Variants in HS3ST4 observed in about 807,000 individuals in gnomAD.
HS3ST4 encodes the protein heparan sulfate glucosamine 3-O-sulfotransferase 4.
In HS3ST4, 17 loss-of-function variants were observed where a neutral mutation model predicts 29.2. That is an observed-to-expected ratio of 0.58 (90% CI 0.40 to 0.87). The LOEUF is 0.87. Ranked by LOEUF, HS3ST4 falls within the 40% of genes least tolerant of loss-of-function variation. The pLI is 0.00. For synonymous variants in HS3ST4, 314 were observed against 285.7 expected, an observed-to-expected ratio of 1.10 and a Z score of -1.00; for missense variants, 627 against 634.5, an observed-to-expected ratio of 0.99 and a Z score of 0.13.
intron 1 of HS3ST4, among the ~76,000 whole-genome samples, chr16:25,867,921 G>T (rs1191262527): frequency 6.6e-6 from 1 of 152,158 alleles, no homozygotes; most frequent in African/African-American, 2.4e-5. Flanking sequence ...GAGATCGATA[G>T]ATACTAGGTA....
intron 1 of HS3ST4, among the ~76,000 whole-genome samples, chr16:25,743,012 C>G (rs550260623): frequency 6.6e-6 from 1 of 152,338 alleles, no homozygotes; most frequent in African/African-American, 2.4e-5. Context: ...CATTGAACTT[C>G]CGCAAAGCCC....
chr16:26,120,091 GTA>G (rs34788561), intron 1 of HS3ST4, among the ~76,000 whole-genome samples: 44,420 of 150,588 alleles, frequency 0.29, 6,643 homozygotes, highest in East Asian at 0.35. Flanking sequence ...GTGTGTGTGT[GTA>G]TATGTGTGTG....
At chr16:25,964,675 C>T (rs185914277) in intron 1 of HS3ST4, among the ~76,000 whole-genome samples, 31 of 152,250 alleles carry the variant, frequency 2.0e-4, no homozygotes, top group Non-Finnish European at 3.2e-4. Flanking sequence ...TGAATCCTGC[C>T]GCTCAGTTAA....
At chr16:25,828,250 T>A (rs12918377) in intron 1 of HS3ST4, among the ~76,000 whole-genome samples, 2,091 of 54,986 alleles carry the variant, frequency 0.038, 67 homozygotes, top group Non-Finnish European at 0.054. Flanking sequence ...TTCTCTTTCT[T>A]TCTTTCTTTC....
intron 1 of HS3ST4, among the ~76,000 whole-genome samples, chr16:26,041,843 A>ATG (rs1969638865): frequency 6.6e-6 from 1 of 152,196 alleles, no homozygotes; most frequent in Non-Finnish European, 1.5e-5. Context: ...CAGTCAAACC[A>ATG]TGATCTCTGA....
chr16:25,983,382 A>G (rs1969028450), intron 1 of HS3ST4, among the ~76,000 whole-genome samples: 1 of 152,194 alleles, frequency 6.6e-6, no homozygotes, highest in Non-Finnish European at 1.5e-5. Context: ...TTGTGTGGAC[A>G]TCAAATGGGA....
intron 1 of HS3ST4, among the ~76,000 whole-genome samples, chr16:25,862,294 G>A (rs1229056885): frequency 1.3e-5 from 2 of 152,042 alleles, no homozygotes; most frequent in African/African-American, 2.4e-5. Flanking sequence ...TCAGGTTCAA[G>A]CTATTCTCCA....
At chr16:25,947,394 C>G (rs190091885) in intron 1 of HS3ST4, among the ~76,000 whole-genome samples, 1 of 152,292 alleles carries the variant, frequency 6.6e-6, no homozygotes, top group East Asian at 1.9e-4. Context: ...CGCAAAAACT[C>G]CAAATCTCAA....
intron 1 of HS3ST4, among the ~76,000 whole-genome samples, chr16:26,096,474 A>G (rs1192705042): frequency 6.6e-6 from 1 of 152,234 alleles, no homozygotes; most frequent in Admixed American, 6.5e-5. Flanking sequence ...CATCACATAA[A>G]GAGAACCAAT....
intron 1 of HS3ST4, among the ~76,000 whole-genome samples, chr16:26,069,614 T>G (rs151101122): frequency 6.6e-6 from 1 of 152,216 alleles, no homozygotes; most frequent in African/African-American, 2.4e-5. Context: ...CGTGCAGGTT[T>G]GTTACATATG....
At chr16:25,967,990 T>C (rs1361981055) in intron 1 of HS3ST4, among the ~76,000 whole-genome samples, 2 of 152,114 alleles carry the variant, frequency 1.3e-5, no homozygotes, top group African/African-American at 4.8e-5. Context: ...TCAGAAATCA[T>C]CCCAATGATC....
intron 1 of HS3ST4, among the ~76,000 whole-genome samples, chr16:25,784,543 T>A (rs1966855654): frequency 6.6e-6 from 1 of 152,254 alleles, no homozygotes; most frequent in African/African-American, 2.4e-5. Context: ...GAAGTTTTAG[T>A]GGTCTGGTTA....
intron 1 of HS3ST4, among the ~76,000 whole-genome samples, chr16:25,942,744 A>G (rs1279098871): frequency 6.6e-6 from 1 of 151,106 alleles, no homozygotes; most frequent in Non-Finnish European, 1.5e-5. Context: ...TCAGCCTCCC[A>G]ATTAGCTAGG....
chr16:25,705,406 C>CT (rs754558120), intron 1 of HS3ST4, among the ~76,000 whole-genome samples: 1 of 152,110 alleles, frequency 6.6e-6, no homozygotes, highest in Non-Finnish European at 1.5e-5. Flanking sequence ...TGGCTCACGC[C>CT]TGTAATCCCA....
In HS3ST4 at chr16:26,046,145, A is replaced by T. The variant is rs1226522475; in HGVS notation, c.735-89467A>T. 6.1e-5 allele frequency among the ~76,000 whole-genome samples: 7 copies of T among 114,638 alleles called. No individual in the cohort carries two copies. In the South Asian group the frequency reaches 1.3e-3, roughly 22 times the overall value. 75.2% of individuals were successfully genotyped at this position (114,638 alleles called of 152,430 possible). A position where few individuals can be genotyped will look rare whatever the true frequency, so the allele number is the denominator to read the frequency against. ...ATATTTCCTCATGTAAGGACAGGAAATTTTTTTTTTTTTTTTTTTTTTTGA... is the reference window on the plus strand; with the variant it reads ...ATATTTCCTCATGTAAGGACAGGAATTTTTTTTTTTTTTTTTTTTTTTTGA... On this transcript the variant is annotated intron_variant, in intron 1 of 1. Transcript: ENST00000331351.
chr16:25,966,503 G>A (rs922361706), intron 1 of HS3ST4, among the ~76,000 whole-genome samples: 2 of 152,114 alleles, frequency 1.3e-5, no homozygotes, highest in African/African-American at 2.4e-5. Flanking sequence ...AACCTGAGGT[G>A]CTCTATTGCT....
chr16:26,008,559 C>T (rs1969279937), intron 1 of HS3ST4, among the ~76,000 whole-genome samples: 1 of 152,222 alleles, frequency 6.6e-6, no homozygotes, highest in Admixed American at 6.5e-5. Flanking sequence ...TGGCTTATGC[C>T]TGTAATCCCA....
At chr16:25,903,365 T>TTATA (rs34578455) in intron 1 of HS3ST4, among the ~76,000 whole-genome samples, 5 of 130,458 alleles carry the variant, frequency 3.8e-5, no homozygotes, top group East Asian at 4.2e-4. Flanking sequence ...TATGTATATC[T>TTATA]TATATATATA....
intron 1 of HS3ST4, among the ~76,000 whole-genome samples, chr16:26,004,021 C>T (rs1426172162): frequency 1.3e-5 from 2 of 152,066 alleles, no homozygotes; most frequent in African/African-American, 4.8e-5. Context: ...TACTCTTGTC[C>T]CCTCTCTACT....
Sources: allele counts gnomAD v4.1 joint callset (sites outside exome capture counted in the v4.1 genomes callset), GRCh38; gene constraint gnomAD v4.1.1; transcripts MANE v1.5; gene names NCBI Gene and HGNC (gene_info 2026-07-23, HGNC 2026-07-21).